RHCE: variants seen among roughly 807,000 people sequenced by gnomAD.
The protein encoded by RHCE is blood group Rh(CE) polypeptide.
RHCE carries 22 observed loss-of-function variants against 43.8 expected under a neutral mutation model. That is an observed-to-expected ratio of 0.50 (90% CI 0.36 to 0.72). The LOEUF (loss-of-function observed/expected upper bound fraction) is 0.72. RHCE is among the 30% of genes least tolerant of loss of function. The probability of loss-of-function intolerance (pLI) is 0.00; values close to 1 mark genes in which losing one functional copy is unlikely to be tolerated. For missense variants in RHCE, 385 were observed against 525.4 expected (o/e 0.73, Z 2.61); for synonymous variants, 156 against 210.7 (o/e 0.74, Z 2.25).
intron 1 of RHCE, among the ~76,000 whole-genome samples, chr1:25,415,450 C>T (rs1259681969): frequency 6.6e-6 from 1 of 152,052 alleles, no homozygotes; most frequent in Non-Finnish European, 1.5e-5. Flanking sequence ...GTTGGGAGTT[C>T]GAGACCAGCC....
At chr1:25,373,409 A>G (rs545181570) in intron 8 of RHCE, among the ~76,000 whole-genome samples, 3 of 151,864 alleles carry the variant, frequency 2.0e-5, no homozygotes, top group African/African-American at 7.3e-5. Context: ...AGCCTTTCCC[A>G]GGGTTGGATT....
rs1646813561 is a variant in RHCE, at chr1:25,403,264, C to A, written c.336-518G>T. ...AATCAGGACAAGCCCGGCTTCCAGT[C>A]CCAGCCTTGCCACTGGAGTGGCTAT... is the stretch of plus-strand genomic sequence containing the variant. On this transcript the variant is annotated intron_variant, in intron 2 of 9. Coordinates refer to ENST00000294413, the MANE Select transcript of RHCE (RefSeq NM_020485.8). 2.0e-5 allele frequency among the ~76,000 whole-genome samples: 3 copies of A among 152,080 alleles called. No homozygotes were observed. In the South Asian group the frequency reaches 6.2e-4, roughly 32 times the overall value.
intron 1 of RHCE, among the ~76,000 whole-genome samples, chr1:25,410,579 C>T (rs755432054): frequency 5.3e-5 from 8 of 151,778 alleles, no homozygotes; most frequent in Non-Finnish European, 7.4e-5. Flanking sequence ...ACCACAGGCG[C>T]GCACCACCAC....
At chr1:25,390,697 T>C in intron 5 of RHCE, 52 bp downstream of exon 5, 2 of 1,608,560 alleles carry the variant, frequency 1.2e-6, no homozygotes, top group Admixed American at 1.7e-5. Flanking sequence ...CATAAATATG[T>C]GTGCTAGTCC....
Position 25,393,385 on chromosome 1 carries a change from C to T in RHCE, c.487-1244G>A, listed in dbSNP as rs554962225. Among the ~76,000 whole-genome samples the T allele has an allele frequency of 3.3e-5, 5 of 152,234 alleles. No homozygotes were observed. The South Asian group carries it at 1.0e-3, about 32-fold the overall frequency. On this transcript the variant is annotated intron_variant, in intron 3 of 9. Transcript: ENST00000294413. ...CCTGTAATCTCAGCACTTTGGGAGGCTGAGGTGGGTGGATCACCTGAGGTC... is the reference window on the plus strand; with the variant it reads ...CCTGTAATCTCAGCACTTTGGGAGGTTGAGGTGGGTGGATCACCTGAGGTC...
chr1:25,372,292 G>T (rs964434429), intron 8 of RHCE, among the ~76,000 whole-genome samples: 6 of 151,486 alleles, frequency 4.0e-5, no homozygotes, highest in African/African-American at 1.5e-4. Context: ...GGCCAAGGTG[G>T]GCGGATCACC....
chr1:25,414,291 C>T, intron 1 of RHCE, among the ~76,000 whole-genome samples: 1 of 152,096 alleles, frequency 6.6e-6, no homozygotes, highest in Non-Finnish European at 1.5e-5. Flanking sequence ...GATCTGCACC[C>T]CCTCCCACTC....
At chr1:25,393,684 G>A (rs1646450754) in intron 3 of RHCE, among the ~76,000 whole-genome samples, 1 of 151,832 alleles carries the variant, frequency 6.6e-6, no homozygotes, top group Admixed American at 6.6e-5. Context: ...GCCTCCAGCG[G>A]CTCCCATGTC....
intron 7 of RHCE, among the ~76,000 whole-genome samples, chr1:25,380,065 G>A (rs1557606165): frequency 6.9e-6 from 1 of 145,964 alleles, no homozygotes; most frequent in Non-Finnish European, 1.5e-5. Flanking sequence ...TGAGACTTAA[G>A]GTACAATTCA....
chr1:25,383,526 T>C (rs1487086434), intron 7 of RHCE, among the ~76,000 whole-genome samples: 1 of 152,204 alleles, frequency 6.6e-6, no homozygotes, highest in Non-Finnish European at 1.5e-5. Context: ...TATTTTCCCA[T>C]TTTACAGATA....
chr1:25,416,596 T>G (rs1030075772), intron 1 of RHCE, among the ~76,000 whole-genome samples: 2 of 152,002 alleles, frequency 1.3e-5, no homozygotes, highest in African/African-American at 4.8e-5. Context: ...AATTTGTTAT[T>G]ACAGTCTCGC....
upstream of RHCE, among the ~76,000 whole-genome samples, chr1:25,423,746 T>C (rs534747381): frequency 6.6e-6 from 1 of 152,326 alleles, no homozygotes; most frequent in African/African-American, 2.4e-5. Flanking sequence ...GGATCTAGGA[T>C]AGATAAGTCA....
At chr1:25,393,406 A>G (rs1340718924) in intron 3 of RHCE, among the ~76,000 whole-genome samples, 3 of 152,114 alleles carry the variant, frequency 2.0e-5, no homozygotes, top group Non-Finnish European at 4.4e-5. Flanking sequence ...GGATCACCTG[A>G]GGTCAGGAGT....
intron 3 of RHCE, among the ~76,000 whole-genome samples, chr1:25,396,169 A>C (rs1048250687): frequency 6.6e-6 from 1 of 152,224 alleles, no homozygotes; most frequent in East Asian, 1.9e-4. Context: ...CACATTCTAC[A>C]AAAGAACTGG....
chr1:25,416,995 GC>G (rs1392939421), intron 1 of RHCE, among the ~76,000 whole-genome samples: 1 of 150,948 alleles, frequency 6.6e-6, no homozygotes. Flanking sequence ...GACCCTACGT[GC>G]CCATCTCCAA....
chr1:25,421,227 A>G (rs972235108), upstream of RHCE, among the ~76,000 whole-genome samples: 3 of 151,796 alleles, frequency 2.0e-5, no homozygotes, highest in African/African-American at 7.3e-5. Context: ...ACCTTACTAC[A>G]TGACAGAGAG....
intron 2 of RHCE, among the ~76,000 whole-genome samples, chr1:25,426,173 GT>G (rs1413887870): frequency 6.6e-6 from 1 of 152,196 alleles, no homozygotes; most frequent in East Asian, 1.9e-4. Context: ...AGCTTGGCAA[GT>G]TTACTGTAGA....
At chr1:25,366,591 CG>C (rs1253665308) in intron 9 of RHCE, among the ~76,000 whole-genome samples, 2 of 41,708 alleles carry the variant, frequency 4.8e-5, no homozygotes, top group African/African-American at 1.1e-4. Flanking sequence ...GGTTGCACCA[CG>C]TTGACCAGGC....
At chr1:25,371,090 AG>A (rs2124307807) in intron 8 of RHCE, among the ~76,000 whole-genome samples, 1 of 150,648 alleles carries the variant, frequency 6.6e-6, no homozygotes, top group East Asian at 2.0e-4. Flanking sequence ...TTTGAAAAAA[AG>A]AACTGGGAAT....
Sources: allele counts gnomAD v4.1 joint callset (sites outside exome capture counted in the v4.1 genomes callset), GRCh38; gene constraint gnomAD v4.1.1; transcripts MANE v1.5; gene names NCBI Gene and HGNC (gene_info 2026-07-23, HGNC 2026-07-21).